GRID2: variants seen among roughly 807,000 people sequenced by gnomAD.
The protein encoded by GRID2 is glutamate receptor ionotropic, delta-2.
Under a neutral mutation model 114.8 loss-of-function variants are expected in GRID2, and 33 were observed. That is an observed-to-expected ratio of 0.29 (90% confidence interval 0.22 to 0.38). GRID2 has a LOEUF of 0.38. Among genes scored for constraint, GRID2 ranks in the 10% least tolerant of loss-of-function variants. GRID2 has a pLI of 1.00. For missense variants in GRID2, 1,184 were observed against 1,257.7 expected (o/e 0.94, Z 0.89); for synonymous variants, 505 against 449.9 (o/e 1.12, Z -1.55).
chr4:93,522,796 T>C (rs187052398), intron 13 of GRID2, among the ~76,000 whole-genome samples: 91 of 152,176 alleles, frequency 6.0e-4, no homozygotes, highest in Non-Finnish European at 1.0e-3. Flanking sequence ...GAGAATACAG[T>C]TATTGAAATT....
intron 11 of GRID2, among the ~76,000 whole-genome samples, chr4:93,470,278 G>A (rs1231704727): frequency 2.0e-5 from 3 of 152,092 alleles, no homozygotes; most frequent in Admixed American, 2.0e-4. Flanking sequence ...ATATTTAACT[G>A]ATGAACCAAA....
intron 6 of GRID2, among the ~76,000 whole-genome samples, chr4:93,220,782 A>G (rs376668964): frequency 6.6e-5 from 10 of 152,302 alleles, no homozygotes; most frequent in African/African-American, 2.4e-4. Flanking sequence ...AAATGCAAGG[A>G]ACTGTCTATG....
At chr4:92,624,552 C>T (rs1410002807) in intron 2 of GRID2, among the ~76,000 whole-genome samples, 1 of 151,604 alleles carries the variant, frequency 6.6e-6, no homozygotes, top group African/African-American at 2.4e-5. Context: ...ATATTTTTTT[C>T]CAAATTAGTT....
chr4:93,723,137 A>G (rs1729537365), intron 14 of GRID2, among the ~76,000 whole-genome samples: 1 of 152,226 alleles, frequency 6.6e-6, no homozygotes. Context: ...CCCTACCAGA[A>G]TGAATCATGT....
chr4:93,378,101 A>T (rs1469403188), intron 8 of GRID2, among the ~76,000 whole-genome samples: 1 of 152,162 alleles, frequency 6.6e-6, no homozygotes, highest in Non-Finnish European at 1.5e-5. Context: ...CCCTCCAAAA[A>T]TGATAGTTAC....
intron 8 of GRID2, among the ~76,000 whole-genome samples, chr4:93,336,036 G>C (rs1231285583): frequency 6.6e-6 from 1 of 151,966 alleles, no homozygotes; most frequent in Non-Finnish European, 1.5e-5. Flanking sequence ...CAAAAATATA[G>C]ACAATTACAA....
chr4:93,365,013 A>G (rs1052585420), intron 8 of GRID2, among the ~76,000 whole-genome samples: 5 of 151,754 alleles, frequency 3.3e-5, no homozygotes, highest in African/African-American at 9.7e-5. Context: ...CTTTTCTCAT[A>G]TTATCTCATC....
intron 2 of GRID2, among the ~76,000 whole-genome samples, chr4:92,830,409 C>T (rs1742025132): frequency 6.6e-6 from 1 of 151,908 alleles, no homozygotes; most frequent in African/African-American, 2.4e-5. Flanking sequence ...ACCATACCAA[C>T]ATACCAACAT....
intron 2 of GRID2, among the ~76,000 whole-genome samples, chr4:93,021,698 T>C (rs1366314002): frequency 1.0e-4 from 15 of 143,252 alleles, no homozygotes; most frequent in African/African-American, 3.4e-4. Context: ...AATATGTATA[T>C]TATGAATATT....
chr4:92,479,477 T>C (rs149626246), intron 1 of GRID2, among the ~76,000 whole-genome samples: 2 of 152,276 alleles, frequency 1.3e-5, no homozygotes, highest in African/African-American at 4.8e-5. Flanking sequence ...TCAACAAATA[T>C]GTAGCATTTT....
intron 7 of GRID2, among the ~76,000 whole-genome samples, chr4:93,230,822 C>T (rs979750354): frequency 2.6e-5 from 4 of 151,890 alleles, no homozygotes; most frequent in Non-Finnish European, 5.9e-5. Flanking sequence ...ATTATATAAA[C>T]CCTATTTAAG....
chr4:93,507,055 T>C (rs1359684209), intron 12 of GRID2, among the ~76,000 whole-genome samples: 1 of 152,174 alleles, frequency 6.6e-6, no homozygotes, highest in Non-Finnish European at 1.5e-5. Context: ...GACATTAATC[T>C]TTTTTAAAAT....
chr4:92,871,316 T>A (rs1194440722), intron 2 of GRID2, among the ~76,000 whole-genome samples: 1 of 152,190 alleles, frequency 6.6e-6, no homozygotes, highest in Non-Finnish European at 1.5e-5. Flanking sequence ...CTGATTCTTT[T>A]TTTTTCTGTT....
intron 2 of GRID2, among the ~76,000 whole-genome samples, chr4:92,685,416 G>T (rs1394344270): frequency 1.3e-5 from 2 of 152,060 alleles, no homozygotes; most frequent in Non-Finnish European, 2.9e-5. Flanking sequence ...AGGGAAGGAT[G>T]AAGTGACATT....
intron 2 of GRID2, among the ~76,000 whole-genome samples, chr4:92,678,634 TTGA>T (rs1733500552): frequency 6.6e-6 from 1 of 151,210 alleles, no homozygotes; most frequent in Non-Finnish European, 1.5e-5. Context: ...TTAAAATAAA[TTGA>T]TGAGCACCTT....
At chr4:93,466,614 G>C (rs1468143982) in intron 11 of GRID2, among the ~76,000 whole-genome samples, 1 of 152,136 alleles carries the variant, frequency 6.6e-6, no homozygotes, top group Non-Finnish European at 1.5e-5. Flanking sequence ...TAACTCCCGA[G>C]TGTTGCCATG....
chr4:93,799,460 C>T (rs1734879916), intron 1 of GRID2, among the ~76,000 whole-genome samples: 1 of 150,740 alleles, frequency 6.6e-6, no homozygotes. Context: ...TAACAAAAAT[C>T]TTTAGATTAT....
chr4:92,823,140 C>G (rs1413373858), intron 2 of GRID2: 2 of 152,086 alleles, frequency 1.3e-5, no homozygotes, highest in African/African-American at 4.8e-5. Flanking sequence ...TAATTATGTA[C>G]AAAAGTATCT....
intron 1 of GRID2, among the ~76,000 whole-genome samples, chr4:92,380,193 A>G (rs1729550700): frequency 6.6e-6 from 1 of 151,772 alleles, no homozygotes. Flanking sequence ...TAGATATGGT[A>G]GGTCCTTGTG....
Sources: gnomAD v4.1 joint callset for allele counts (sites outside exome capture counted in the v4.1 genomes callset) on GRCh38, gnomAD v4.1.1 for gene constraint, MANE v1.5 for transcripts, NCBI Gene and HGNC (gene_info 2026-07-23, HGNC 2026-07-21) for gene names.